SLC38A11: variants seen among roughly 807,000 people sequenced by gnomAD.
The protein encoded by SLC38A11 is putative sodium-coupled neutral amino acid transporter 11.
Under a neutral mutation model 49.4 loss-of-function variants are expected in SLC38A11, and 51 were observed. The observed-to-expected ratio is 1.03, with a 90% CI of 0.83 to 1.30. The LOEUF is 1.30. SLC38A11 is among the 50% of genes most tolerant of loss of function. The pLI, the probability that SLC38A11 is intolerant of heterozygous loss-of-function variation, is 0.00. For synonymous variants in SLC38A11, 203 were observed against 192.9 expected (o/e 1.05, Z -0.43); for missense variants, 574 against 556.2 (o/e 1.03, Z -0.32).
At position 164,915,123 on chromosome 2, in the gene SLC38A11, C is replaced by A; in HGVS notation, c.839G>T (p.Gly280Val). The change falls in exon 9 of 12, where the codon GGC becomes GTC. Residue 280 changes from glycine (G) to valine (V), a missense_variant. Physicochemically the swap from Gly to Val is moderately radical, Grantham distance 109. Coordinates refer to ENST00000685975, the MANE Select transcript of SLC38A11 (RefSeq NM_001351537.2). ...FATCGYLTFT[G>V]FTQGDLFENY... ...ATCTCTCATTTTACCTTGGGTGAAG[C>A]CAGTAAATGTCAAGTATCCACATGT... 1 of 1,605,406 alleles carries A rather than the reference C, an allele frequency of 6.2e-7. No individual in the cohort carries two copies. Among genetic ancestry groups the A allele is most frequent in the Non-Finnish European group, 8.5e-7 (1 of 1,176,520 alleles).
chr2:164,897,226 G>A lies in SLC38A11; in HGVS notation c.*1211C>T, dbSNP rs998422906. On this transcript the variant is annotated 3_prime_UTR_variant, in exon 12 of 12. Transcript: ENST00000685975. ...AGATACCCCTGTAAGGAAGCATGTG[G>A]TGACAAAGCTATCAGTAGACCACCT... 3.3e-5 allele frequency: 5 copies of A among 152,094 alleles called. No homozygotes were observed. The highest frequency in any genetic ancestry group is 5.9e-5 in the Non-Finnish European group (4 of 68,024). The allele number at this position is 152,094 out of a possible 1,614,324, so 9.4% of individuals were successfully genotyped here. A position where few individuals can be genotyped will look rare whatever the true frequency, so the allele number is the denominator to read the frequency against.
At chr2:164,898,827 A>G (rs1186509930) in intron 11 of SLC38A11, 97 bp from the exon 12 acceptor site, 1 of 1,145,206 alleles carries the variant, frequency 8.7e-7, no homozygotes, top group African/African-American at 1.6e-5. Context: ...TTTCATGCAC[A>G]TGTTAAACAT....
At chr2:164,948,417 G>A (rs571371868) in intron 3 of SLC38A11, among the ~76,000 whole-genome samples, 2 of 152,256 alleles carry the variant, frequency 1.3e-5, no homozygotes, top group South Asian at 4.1e-4. Flanking sequence ...ACAACCAGAG[G>A]TAGGTGCTGG....
At chr2:164,926,940 C>T (rs1045379508) in intron 7 of SLC38A11, among the ~76,000 whole-genome samples, 13 of 151,340 alleles carry the variant, frequency 8.6e-5, no homozygotes, top group African/African-American at 2.9e-4. Flanking sequence ...TGCAGCACAC[C>T]AACATGGCAC....
At chr2:164,942,742 A>G (rs1410818925) in intron 5 of SLC38A11, among the ~76,000 whole-genome samples, 1 of 152,210 alleles carries the variant, frequency 6.6e-6, no homozygotes, top group Non-Finnish European at 1.5e-5. Flanking sequence ...CTGGCACAGA[A>G]GCTACAGACA....
At position 164,898,432 on chromosome 2, in the gene SLC38A11, T is replaced by C. The variant is rs1398554517; in HGVS notation, c.*5A>G. 6.3e-7 allele frequency: 1 copy of C among 1,594,004 alleles called. No individual in the cohort carries two copies. Among genetic ancestry groups the C allele is most frequent in the South Asian group, 1.1e-5 (1 of 90,388 alleles). On this transcript the variant is annotated 3_prime_UTR_variant, in exon 12 of 12. Coordinates refer to ENST00000685975, the MANE Select transcript of SLC38A11 (RefSeq NM_001351537.2). ...GAAAACATACATATTTTTAAAGCAG[T>C]CAACTCATTGAAAGATACTAATATT...
intron 8 of SLC38A11, 116 bp from the exon 9 acceptor site, chr2:164,915,389 C>T (rs1238807203): frequency 3.6e-6 from 3 of 841,690 alleles, no homozygotes; most frequent in South Asian, 2.1e-5. Context: ...TTTAAACATA[C>T]AACTTTATTA....
Position 164,955,466 on chromosome 2 carries a change from G to A in SLC38A11, c.-219C>T. On this transcript the variant is annotated 5_prime_UTR_variant, in exon 1 of 12. Transcript: ENST00000685975. ...TGGCAGCCTGGGGCGCTTTTCCACC[G>A]GAGTTCGCCCAGACAAATGTATTTT... is the stretch of plus-strand genomic sequence containing the variant. 3.6e-6 allele frequency: 2 copies of A among 557,514 alleles called. No homozygotes were observed. The highest frequency in any genetic ancestry group is 2.2e-5 in the South Asian group (1 of 45,258). The allele number at this position is 557,514 out of a possible 1,614,324, so 34.5% of individuals were successfully genotyped here. A position where few individuals can be genotyped will look rare whatever the true frequency, so the allele number is the denominator to read the frequency against.
At chr2:164,909,869 A>C (rs899097888) in intron 10 of SLC38A11, among the ~76,000 whole-genome samples, 1 of 152,190 alleles carries the variant, frequency 6.6e-6, no homozygotes, top group Non-Finnish European at 1.5e-5. Context: ...ACATACTGCC[A>C]TGACTTTGCT....
chr2:164,908,683 ACAAGCGTGGCTACAGTGATGAC>A lies in SLC38A11; in HGVS notation c.1030_1051del (p.Val344CysfsTer4). On this transcript the variant is annotated frameshift_variant, in exon 11 of 12. Transcript: ENST00000685975. LOFTEE classifies it high-confidence loss of function. Reference sequence around the variant, plus strand: ...CCCGAGGCAATCAATCAGCAATGACACAAGCGTGGCTACAGTGATGACCATCACTGTTACAACAATGTGGAAA... The same window carrying A: ...CCCGAGGCAATCAATCAGCAATGACACATCACTGTTACAACAATGTGGAAA... The A allele has an allele frequency of 6.2e-7, 1 of 1,609,020 alleles. No homozygotes were observed. Among genetic ancestry groups the A allele is most frequent in the Non-Finnish European group, 8.5e-7 (1 of 1,177,348 alleles).
At chr2:164,951,806 G>C (rs1259567221) in intron 3 of SLC38A11, among the ~76,000 whole-genome samples, 1 of 152,108 alleles carries the variant, frequency 6.6e-6, no homozygotes, top group South Asian at 2.1e-4. Flanking sequence ...CAGTGGTGGA[G>C]CCCTGGAGCT....
intron 7 of SLC38A11, among the ~76,000 whole-genome samples, chr2:164,931,942 G>A (rs936298632): frequency 1.6e-4 from 24 of 152,104 alleles, no homozygotes; most frequent in African/African-American, 5.8e-4. Context: ...TCGACCTGAA[G>A]AGCATCTGCA....
At chr2:164,919,691 A>G in intron 7 of SLC38A11, among the ~76,000 whole-genome samples, 1 of 152,284 alleles carries the variant, frequency 6.6e-6, no homozygotes, top group East Asian at 1.9e-4. Flanking sequence ...TTATCTCTAG[A>G]TTGCTTACAA....
intron 9 of SLC38A11, among the ~76,000 whole-genome samples, chr2:164,913,455 A>C (rs989357212): frequency 1.3e-5 from 2 of 152,126 alleles, no homozygotes; most frequent in Non-Finnish European, 2.9e-5. Context: ...AGAAGAATGC[A>C]GTATGCACAA....
intron 7 of SLC38A11, among the ~76,000 whole-genome samples, chr2:164,923,736 G>C (rs1261617685): frequency 6.6e-6 from 1 of 151,894 alleles, no homozygotes; most frequent in Non-Finnish European, 1.5e-5. Flanking sequence ...GGTCAAAGTT[G>C]CAGTGAGCCA....
chr2:164,902,498 G>A (rs1684723535), intron 11 of SLC38A11, among the ~76,000 whole-genome samples: 1 of 152,036 alleles, frequency 6.6e-6, no homozygotes, highest in Admixed American at 6.6e-5. Flanking sequence ...TAATTTGCAA[G>A]CATACACAAA....
chr2:164,937,222 T>C, intron 7 of SLC38A11, 128 bp downstream of exon 7: 1 of 656,912 alleles, frequency 1.5e-6, no homozygotes, highest in Non-Finnish European at 2.6e-6. Context: ...TTACCTCATT[T>C]TGTCAAATAC....
chr2:164,900,891 G>C (rs1275604942), intron 11 of SLC38A11, among the ~76,000 whole-genome samples: 1 of 152,014 alleles, frequency 6.6e-6, no homozygotes, highest in Non-Finnish European at 1.5e-5. Flanking sequence ...CTAATGTCAA[G>C]GAGCTTTTAT....
chr2:164,947,714 T>G (rs904924433), intron 3 of SLC38A11, among the ~76,000 whole-genome samples: 3 of 152,204 alleles, frequency 2.0e-5, no homozygotes, highest in African/African-American at 4.8e-5. Context: ...ACTTGAGAAT[T>G]TCCCCAGACT....
Sources: allele counts gnomAD v4.1 joint callset (sites outside exome capture counted in the v4.1 genomes callset), GRCh38; gene constraint gnomAD v4.1.1; transcripts MANE v1.5; gene names NCBI Gene and HGNC (gene_info 2026-07-23, HGNC 2026-07-21).